The following DLG2 variants were observed in gnomAD, a reference collection of about 807,000 sequenced individuals.
DLG2 encodes disks large homolog 2.
Under a neutral mutation model 132.5 loss-of-function variants are expected in DLG2, and 45 were observed. That is an observed-to-expected ratio of 0.34 (90% CI 0.27 to 0.44). DLG2 has a LOEUF of 0.44. Ranked by LOEUF, DLG2 falls within the 20% of genes least tolerant of loss-of-function variation. The pLI is 1.00. For missense variants in DLG2, 1,045 were observed against 1,196.9 expected, an observed-to-expected ratio of 0.87 and a Z score of 1.87; for synonymous variants, 424 against 419.6, an observed-to-expected ratio of 1.01 and a Z score of -0.13.
intron 6 of DLG2, among the ~76,000 whole-genome samples, chr11:85,056,439 A>G (rs1351967966): frequency 5.3e-5 from 8 of 152,072 alleles, no homozygotes; most frequent in Admixed American, 3.3e-4. Flanking sequence ...GTAAACCAGA[A>G]GAAATGTTAA....
At position 85,561,665 on chromosome 11, in the gene DLG2, C is replaced by T. The variant is rs760029835; in HGVS notation, c.40+36992G>A. Among the ~76,000 whole-genome samples the T allele has an allele frequency of 2.0e-4, 30 of 151,738 alleles. 3 individuals carry two copies. Among genetic ancestry groups the T allele is most frequent in the Non-Finnish European group, 3.7e-4 (25 of 67,876 alleles). On this transcript the variant is annotated intron_variant, in intron 3 of 27. Transcript: ENST00000376104. ...CAACCTCATAAGAAGTTTTAGCAAG[C>T]ATGGTTCTATAGAGATATAAGACAT...
intron 5 of DLG2, among the ~76,000 whole-genome samples, chr11:85,112,098 CAT>C (rs2072857405): frequency 6.6e-6 from 1 of 152,020 alleles, no homozygotes; most frequent in East Asian, 1.9e-4. Flanking sequence ...TGTAAGATCA[CAT>C]GAGTCAAGGT....
chr11:83,565,819 A>G (rs1170014814), intron 19 of DLG2, among the ~76,000 whole-genome samples: 1 of 152,184 alleles, frequency 6.6e-6, no homozygotes, highest in African/African-American at 2.4e-5. Context: ...CTGCAAGGTA[A>G]AGACACTTAT....
At chr11:83,849,590 G>C (rs1405344004) in intron 16 of DLG2, among the ~76,000 whole-genome samples, 1 of 151,774 alleles carries the variant, frequency 6.6e-6, no homozygotes, top group African/African-American at 2.4e-5. Flanking sequence ...TCTAGATGGG[G>C]GTCTATGGAA....
At chr11:84,275,028 G>A (rs1470899) in intron 7 of DLG2, among the ~76,000 whole-genome samples, 91,508 of 151,988 alleles carry the variant, frequency 0.6, 27,843 homozygotes, top group Middle Eastern at 0.69. Flanking sequence ...GGAAACAACA[G>A]GAAAATAAAA....
intron 4 of DLG2, among the ~76,000 whole-genome samples, chr11:85,204,393 A>T (rs1461079507): frequency 1.3e-5 from 2 of 152,150 alleles, no homozygotes; most frequent in Admixed American, 6.5e-5. Flanking sequence ...GTTAACTGCA[A>T]TCAATCTGAA....
intron 17 of DLG2, among the ~76,000 whole-genome samples, chr11:83,788,057 G>A (rs770778255): frequency 1.2e-4 from 18 of 152,158 alleles, no homozygotes; most frequent in Admixed American, 2.0e-4. Flanking sequence ...GCAGAATTCT[G>A]CTTCCTTTTA....
intron 4 of DLG2, among the ~76,000 whole-genome samples, chr11:85,157,565 G>C (rs1211091746): frequency 1.3e-5 from 2 of 152,150 alleles, no homozygotes; most frequent in Admixed American, 1.3e-4. Flanking sequence ...TAATGAAGCT[G>C]GTTGGTTGCT....
At chr11:83,740,229 A>T (rs2092394496) in intron 18 of DLG2, among the ~76,000 whole-genome samples, 1 of 152,184 alleles carries the variant, frequency 6.6e-6, no homozygotes, top group Non-Finnish European at 1.5e-5. Flanking sequence ...CATTGTTAAT[A>T]ATAGTTAAGT....
intron 3 of DLG2, among the ~76,000 whole-genome samples, chr11:85,593,245 A>C (rs1400288720): frequency 2.0e-5 from 3 of 152,234 alleles, no homozygotes. Context: ...TATTCTCCCA[A>C]GTTTAGTAAT....
intron 6 of DLG2, among the ~76,000 whole-genome samples, chr11:84,833,659 G>A (rs1008120740): frequency 4.0e-5 from 6 of 151,398 alleles, no homozygotes; most frequent in African/African-American, 1.2e-4. Context: ...GGCAGTTGTG[G>A]GGGGGTGGGC....
At chr11:85,322,071 A>G (rs2081110633) in intron 3 of DLG2, among the ~76,000 whole-genome samples, 1 of 151,988 alleles carries the variant, frequency 6.6e-6, no homozygotes, top group Non-Finnish European at 1.5e-5. Flanking sequence ...CTCCACTTTT[A>G]TACCTACTCT....
At chr11:84,666,139 T>C (rs1201742460) in intron 6 of DLG2, among the ~76,000 whole-genome samples, 2 of 152,156 alleles carry the variant, frequency 1.3e-5, no homozygotes, top group East Asian at 3.9e-4. Flanking sequence ...AGCATTATCC[T>C]GGGTGTTTCT....
At chr11:84,315,999 G>A (rs2098350398) in intron 7 of DLG2, among the ~76,000 whole-genome samples, 1 of 151,882 alleles carries the variant, frequency 6.6e-6, no homozygotes, top group Non-Finnish European at 1.5e-5. Flanking sequence ...AGTGACTACA[G>A]GTGTATTTTA....
At chr11:85,447,316 T>C (rs1034293809) in intron 3 of DLG2, among the ~76,000 whole-genome samples, 1 of 152,160 alleles carries the variant, frequency 6.6e-6, no homozygotes, top group African/African-American at 2.4e-5. Context: ...AACTAATATG[T>C]TGAAATTCTA....
Position 84,466,204 on chromosome 11 carries a change from T to G in DLG2, c.519+68366A>C, listed in dbSNP as rs140865557. Among the ~76,000 whole-genome samples the G allele has an allele frequency of 2.6e-5, 4 of 151,296 alleles. No homozygotes were observed. The East Asian group carries it at 7.8e-4, about 29-fold the overall frequency. ...TCTCCAAATGCATCATAGAATTGGA[T>G]GTTAAATAAAGGAAAATGTACAAGT... On this transcript the variant is annotated intron_variant, in intron 7 of 27. Transcript: ENST00000376104.
chr11:84,435,959 T>G (rs2098999401), intron 7 of DLG2, among the ~76,000 whole-genome samples: 1 of 152,118 alleles, frequency 6.6e-6, no homozygotes, highest in African/African-American at 2.4e-5. Flanking sequence ...CAACTTATAA[T>G]TTTTATAGGA....
chr11:84,332,995 T>A (rs1195037347), intron 7 of DLG2, among the ~76,000 whole-genome samples: 3 of 152,204 alleles, frequency 2.0e-5, no homozygotes, highest in Non-Finnish European at 4.4e-5. Flanking sequence ...GTTGAGTGGA[T>A]GAGTAGGAGC....
intron 6 of DLG2, among the ~76,000 whole-genome samples, chr11:84,733,014 C>T (rs1193272374): frequency 6.6e-6 from 1 of 152,094 alleles, no homozygotes. Flanking sequence ...TGTATATGTG[C>T]CACATTTTCT....
Sources: gnomAD v4.1 joint callset for allele counts (sites outside exome capture counted in the v4.1 genomes callset) on GRCh38, gnomAD v4.1.1 for gene constraint, MANE v1.5 for transcripts, NCBI Gene and HGNC (gene_info 2026-07-23, HGNC 2026-07-21) for gene names.